CLINT1: variants seen among roughly 807,000 people sequenced by gnomAD.
CLINT1 encodes clathrin interactor 1.
Under a neutral mutation model 70.4 loss-of-function variants are expected in CLINT1, and 15 were observed. That is an observed-to-expected ratio of 0.21 (90% CI 0.14 to 0.33). The LOEUF (loss-of-function observed/expected upper bound fraction) is 0.33. CLINT1 is among the 10% of genes least tolerant of loss of function. The pLI, the probability that CLINT1 is intolerant of heterozygous loss-of-function variation, is 1.00. For synonymous variants in CLINT1, 227 were observed against 254.7 expected (o/e 0.89, Z 1.04); for missense variants, 615 against 778.1 (o/e 0.79, Z 2.49).
In CLINT1 at chr5:157,787,535, T is replaced by C; in HGVS notation, c.*111A>G. On this transcript the variant is annotated 3_prime_UTR_variant, in exon 12 of 12. Transcript: ENST00000411809. ...GCCTTTTTGGTTCTTTATGTAGATT[T>C]ATTTTAATTACTTGATAAAAGAAAG... The C allele has an allele frequency of 1.1e-6, 1 of 940,942 alleles. No homozygotes were observed. The highest frequency in any genetic ancestry group is 1.6e-6 in the Non-Finnish European group (1 of 616,812). 58.3% of individuals were successfully genotyped at this position (940,942 alleles called of 1,614,324 possible).
At chr5:157,804,875 C>A (rs1762339962) in intron 7 of CLINT1, among the ~76,000 whole-genome samples, 1 of 151,868 alleles carries the variant, frequency 6.6e-6, no homozygotes, top group Non-Finnish European at 1.5e-5. Flanking sequence ...TGCGGTGAGC[C>A]AAGATCGCGC....
At chr5:157,826,853 G>C (rs1187428607) in intron 1 of CLINT1, among the ~76,000 whole-genome samples, 1 of 152,104 alleles carries the variant, frequency 6.6e-6, no homozygotes, top group Non-Finnish European at 1.5e-5. Context: ...TAATCTCTAA[G>C]AATATCCAGT....
intron 1 of CLINT1, among the ~76,000 whole-genome samples, chr5:157,818,287 A>G (rs1356001735): frequency 6.6e-6 from 1 of 152,142 alleles, no homozygotes; most frequent in East Asian, 1.9e-4. Context: ...TATTTTAATT[A>G]TCTTAATCTC....
At chr5:157,807,532 G>A (rs1762424819) in intron 6 of CLINT1, among the ~76,000 whole-genome samples, 1 of 152,076 alleles carries the variant, frequency 6.6e-6, no homozygotes. Flanking sequence ...CAGGTAACAT[G>A]CCATCAGGAT....
chr5:157,850,157 C>T (rs1412386400), intron 1 of CLINT1, among the ~76,000 whole-genome samples: 1 of 152,150 alleles, frequency 6.6e-6, no homozygotes, highest in Admixed American at 6.5e-5. Context: ...AGATGAGAAG[C>T]CACTGGAGAA....
At chr5:157,824,267 T>A (rs1258328451) in intron 1 of CLINT1, among the ~76,000 whole-genome samples, 1 of 152,234 alleles carries the variant, frequency 6.6e-6, no homozygotes, top group Non-Finnish European at 1.5e-5. Flanking sequence ...TGTTTGCAAG[T>A]TGAACATTTT....
At chr5:157,818,885 C>T (rs1386558681) in intron 1 of CLINT1, among the ~76,000 whole-genome samples, 1 of 152,100 alleles carries the variant, frequency 6.6e-6, no homozygotes, top group Non-Finnish European at 1.5e-5. Context: ...CATTTGACAT[C>T]GAAAGCTCCA....
intron 1 of CLINT1, among the ~76,000 whole-genome samples, chr5:157,855,884 G>A (rs1438775219): frequency 6.6e-6 from 1 of 151,860 alleles, no homozygotes; most frequent in African/African-American, 2.4e-5. Context: ...GCAGTGAGCT[G>A]AGATCTCGCC....
Position 157,806,088 on chromosome 5 carries a change from C to A in CLINT1, c.720G>T (p.Ala240=), listed in dbSNP as rs114888930. Reference sequence around the variant, plus strand: ...CACCTTTGGGAGATCTGCCTCTTCTCGCTTTCTTTTCCTCATCGCTGTCGC... The same window carrying A: ...CACCTTTGGGAGATCTGCCTCTTCTAGCTTTCTTTTCCTCATCGCTGTCGC... ...RCSDSDEEKK[A]RRGRSPKGEF... is the part of the protein sequence containing the mutation. Residue 240 remains alanine (A), a synonymous_variant, in exon 7 of 12, where the codon GCG becomes GCT. Transcript: ENST00000411809. 18 of 1,613,770 alleles carry A rather than the reference C, an allele frequency of 1.1e-5. No individual in the cohort carries two copies. Among genetic ancestry groups the A allele is most frequent in the Non-Finnish European group, 1.4e-5 (17 of 1,179,846 alleles).
At chr5:157,835,988 G>A (rs1314178333) in intron 1 of CLINT1, among the ~76,000 whole-genome samples, 1 of 152,184 alleles carries the variant, frequency 6.6e-6, no homozygotes, top group African/African-American at 2.4e-5. Flanking sequence ...CATTTCTATA[G>A]ATGTACCAAT....
intron 1 of CLINT1, among the ~76,000 whole-genome samples, chr5:157,854,557 C>T (rs1753683673): frequency 6.6e-6 from 1 of 152,098 alleles, no homozygotes; most frequent in Admixed American, 6.6e-5. Context: ...AAAAAGAAAC[C>T]AGACTACTAA....
chr5:157,788,160 GACAT>G, intron 11 of CLINT1, 168 bp from the exon 12 acceptor site: 1 of 672,204 alleles, frequency 1.5e-6, no homozygotes, highest in Non-Finnish European at 2.6e-6. Flanking sequence ...TTCCTCTTGA[GACAT>G]ATATTCAGTG....
chr5:157,786,800 G>A lies in CLINT1; in HGVS notation c.*846C>T, dbSNP rs1454202470. On this transcript the variant is annotated 3_prime_UTR_variant, in exon 12 of 12. Transcript: ENST00000411809. Reference sequence around the variant, plus strand: ...AAATAAAATAAATATTTTTCTGACTGTTCCTGACTTAAATGATGGCTACAG... The same window carrying A: ...AAATAAAATAAATATTTTTCTGACTATTCCTGACTTAAATGATGGCTACAG... 6.6e-6 allele frequency: 1 copy of A among 152,108 alleles called. No individual in the cohort carries two copies. Among genetic ancestry groups the A allele is most frequent in the Non-Finnish European group, 1.5e-5 (1 of 67,996 alleles). 9.4% of individuals were successfully genotyped at this position (152,108 alleles called of 1,614,324 possible).
intron 1 of CLINT1, among the ~76,000 whole-genome samples, chr5:157,841,417 T>C: frequency 6.6e-6 from 1 of 150,878 alleles, no homozygotes. Context: ...AACACAAAAA[T>C]TAGCTGGGCA....
intron 1 of CLINT1, among the ~76,000 whole-genome samples, chr5:157,838,108 G>A (rs1299138327): frequency 6.7e-6 from 1 of 148,928 alleles, no homozygotes; most frequent in Non-Finnish European, 1.5e-5. Context: ...TCCAATTTAA[G>A]TCAAGGTTTT....
In CLINT1 at chr5:157,816,973, C is replaced by T. The variant is rs188023213; in HGVS notation, c.147-143G>A. 6.7e-4 allele frequency: 391 copies of T among 584,312 alleles called. 1 individual carries two copies. Among genetic ancestry groups the T allele is most frequent in the Middle Eastern group, 2.3e-3 (5 of 2,182 alleles). The allele number at this position is 584,312 out of a possible 1,614,324, so 36.2% of individuals were successfully genotyped here. A position where few individuals can be genotyped will look rare whatever the true frequency, so the allele number is the denominator to read the frequency against. On this transcript the variant is annotated intron_variant, in intron 2 of 11. Coordinates refer to ENST00000411809, the MANE Select transcript of CLINT1 (RefSeq NM_014666.4). ...AAAAAATTTAGAAGATATGTACTTC[C>T]TTGAAAATGTTTTCCCTATGTTTTA...
chr5:157,829,689 ATTTTTTTTT>A (rs3075709), intron 1 of CLINT1, among the ~76,000 whole-genome samples: 12,549 of 109,438 alleles, frequency 0.11, 621 homozygotes, highest in East Asian at 0.21. Context: ...ACACCCAGCT[ATTTTTTTTT>A]TTTTTTTTTT....
At chr5:157,826,056 TGAGGAAGAAGGGA>T (rs1401606831) in intron 1 of CLINT1, among the ~76,000 whole-genome samples, 1 of 152,130 alleles carries the variant, frequency 6.6e-6, no homozygotes, top group African/African-American at 2.4e-5. Flanking sequence ...TTTTTCAGTT[TGAGGAAGAAGGGA>T]GAGGAGGAAG....
chr5:157,791,424 T>C (rs1319395098), intron 10 of CLINT1, among the ~76,000 whole-genome samples: 1 of 152,220 alleles, frequency 6.6e-6, no homozygotes, highest in Non-Finnish European at 1.5e-5. Context: ...CAATAAATTT[T>C]TGCCATGTTC....
Sources: gnomAD v4.1 joint callset for allele counts (sites outside exome capture counted in the v4.1 genomes callset) on GRCh38, gnomAD v4.1.1 for gene constraint, MANE v1.5 for transcripts, NCBI Gene and HGNC (gene_info 2026-07-23, HGNC 2026-07-21) for gene names.